Variants in TMEM232 observed in about 807,000 individuals in gnomAD.
TMEM232 encodes the protein transmembrane protein 232.
A neutral mutation model predicts 78.8 loss-of-function variants in TMEM232; 80 were observed. The observed-to-expected ratio is 1.01, with a 90% CI of 0.85 to 1.22. The LOEUF (loss-of-function observed/expected upper bound fraction) is 1.22, where lower values mean the gene tolerates loss of function less well. Ranked by LOEUF, TMEM232 falls within the 50% of genes most tolerant of loss-of-function variation. The pLI, the probability that TMEM232 is intolerant of heterozygous loss-of-function variation, is 0.00. For missense variants in TMEM232, 881 were observed against 742.2 expected (o/e 1.19, Z -2.17); for synonymous variants, 297 against 254.3 (o/e 1.17, Z -1.60).
intron 10 of TMEM232, among the ~76,000 whole-genome samples, chr5:110,590,859 G>T (rs1033602314): frequency 1.3e-5 from 2 of 152,226 alleles, no homozygotes; most frequent in East Asian, 1.9e-4. Flanking sequence ...GGAGAGAGAA[G>T]AGCAAAGAAG....
intron 2 of TMEM232, among the ~76,000 whole-genome samples, chr5:110,654,575 G>A (rs1038508747): frequency 6.6e-6 from 1 of 152,172 alleles, no homozygotes; most frequent in African/African-American, 2.4e-5. Context: ...TTGAAGTCAG[G>A]TAGCGTGATG....
intron 2 of TMEM232, among the ~76,000 whole-genome samples, chr5:110,658,855 T>G (rs1159573851): frequency 1.3e-5 from 2 of 152,106 alleles, no homozygotes; most frequent in African/African-American, 4.8e-5. Context: ...CATTAGCCAA[T>G]GAAAAGAAAA....
At chr5:110,612,622 G>A (rs1036111207) in intron 8 of TMEM232, among the ~76,000 whole-genome samples, 2 of 152,060 alleles carry the variant, frequency 1.3e-5, no homozygotes, top group African/African-American at 4.8e-5. Context: ...CATTCATTTC[G>A]ATGCAAACAC....
intron 11 of TMEM232, among the ~76,000 whole-genome samples, chr5:110,540,317 G>T (rs568415273): frequency 8.7e-4 from 133 of 152,312 alleles, no homozygotes; most frequent in Non-Finnish European, 1.4e-3. Context: ...AGCCACTGAA[G>T]TCACCCTAGG....
chr5:110,669,127 G>T (rs1371634450), intron 1 of TMEM232, among the ~76,000 whole-genome samples: 2 of 151,966 alleles, frequency 1.3e-5, no homozygotes, highest in South Asian at 2.1e-4. Context: ...ATAACTAAGA[G>T]CAGAGCAGAA....
intron 8 of TMEM232, among the ~76,000 whole-genome samples, chr5:110,613,932 T>G (rs1459013583): frequency 6.6e-6 from 1 of 152,096 alleles, no homozygotes; most frequent in East Asian, 1.9e-4. Flanking sequence ...ACAGAATAGT[T>G]AATCAAATTG....
intron 7 of TMEM232, among the ~76,000 whole-genome samples, chr5:110,624,569 C>T (rs992747475): frequency 1.3e-5 from 2 of 152,064 alleles, no homozygotes; most frequent in African/African-American, 4.8e-5. Flanking sequence ...AAAAACAGAT[C>T]CCTTTCTCAC....
chr5:110,438,734 C>T (rs560448883), intron 12 of TMEM232, among the ~76,000 whole-genome samples: 1 of 152,200 alleles, frequency 6.6e-6, no homozygotes, highest in East Asian at 1.9e-4. Flanking sequence ...TCCCCTACAA[C>T]TCAGTTCAAA....
intron 12 of TMEM232, among the ~76,000 whole-genome samples, chr5:110,432,430 T>C (rs993128767): frequency 6.6e-6 from 1 of 151,600 alleles, no homozygotes; most frequent in Non-Finnish European, 1.5e-5. Flanking sequence ...AACATGCAGT[T>C]TCTAAGGGAA....
At chr5:110,468,189 G>T (rs1762290893) in intron 12 of TMEM232, among the ~76,000 whole-genome samples, 1 of 151,616 alleles carries the variant, frequency 6.6e-6, no homozygotes, top group Non-Finnish European at 1.5e-5. Flanking sequence ...ATGGAACCCA[G>T]AATACAATGA....
At chr5:110,466,523 T>C (rs1762093315) in intron 12 of TMEM232, among the ~76,000 whole-genome samples, 1 of 152,148 alleles carries the variant, frequency 6.6e-6, no homozygotes, top group African/African-American at 2.4e-5. Context: ...TAAGTAACTT[T>C]ATTGCACAGG....
intron 7 of TMEM232, among the ~76,000 whole-genome samples, chr5:110,621,761 T>G (rs1182690630): frequency 6.6e-6 from 1 of 152,034 alleles, no homozygotes; most frequent in Non-Finnish European, 1.5e-5. Context: ...CTTTTTTGGC[T>G]TTTATAACCA....
intron 10 of TMEM232, among the ~76,000 whole-genome samples, chr5:110,590,988 A>AT (rs1200956031): frequency 6.6e-6 from 1 of 151,758 alleles, no homozygotes; most frequent in African/African-American, 2.4e-5. Flanking sequence ...ACACATGGAG[A>AT]TTATAGGTCT....
At chr5:110,724,682 G>A (rs1439281731) in intron 1 of TMEM232, among the ~76,000 whole-genome samples, 1 of 152,076 alleles carries the variant, frequency 6.6e-6, no homozygotes, top group Admixed American at 6.6e-5. Flanking sequence ...TCTGCAGAAA[G>A]GCATCCTAAA....
At chr5:110,467,402 A>G (rs1395027064) in intron 12 of TMEM232, among the ~76,000 whole-genome samples, 1 of 152,340 alleles carries the variant, frequency 6.6e-6, no homozygotes, top group East Asian at 1.9e-4. Context: ...ATAAAACTGA[A>G]TAACGGATGA....
At chr5:110,732,389 G>A (rs566083015) in intron 2 of TMEM232, among the ~76,000 whole-genome samples, 11 of 152,012 alleles carry the variant, frequency 7.2e-5, no homozygotes, top group Non-Finnish European at 1.0e-4. Context: ...CTGTATTAGC[G>A]CATTTTCATG....
In TMEM232 at chr5:110,604,056, T is replaced by G. The variant is rs548547502; in HGVS notation, c.1276+1053A>C. Among the ~76,000 whole-genome samples, 117 of 152,290 alleles carry G rather than the reference T, an allele frequency of 7.7e-4. 1 individual carries two copies. The highest frequency in any genetic ancestry group is 2.7e-3 in the African/African-American group (114 of 41,566). ...ATTTAATTACATTATAAATCCACTA[T>G]CATAATTGCTTACCTATTATGTATT... is the stretch of plus-strand genomic sequence containing the variant. On this transcript the variant is annotated intron_variant, in intron 10 of 13. Coordinates refer to ENST00000455884, the MANE Select transcript of TMEM232 (RefSeq NM_001039763.4).
intron 11 of TMEM232, among the ~76,000 whole-genome samples, chr5:110,542,068 C>A (rs775691622): frequency 6.6e-6 from 1 of 152,116 alleles, no homozygotes; most frequent in South Asian, 2.1e-4. Context: ...ATCATGTCTG[C>A]GATACCTGAA....
intron 12 of TMEM232, among the ~76,000 whole-genome samples, chr5:110,472,554 T>C (rs1004218409): frequency 1.3e-5 from 2 of 151,904 alleles, no homozygotes; most frequent in African/African-American, 2.4e-5. Context: ...ATAGGGATCC[T>C]AAAATTTTTA....
Sources: allele counts gnomAD v4.1 joint callset (sites outside exome capture counted in the v4.1 genomes callset), GRCh38; gene constraint gnomAD v4.1.1; transcripts MANE v1.5; gene names NCBI Gene and HGNC (gene_info 2026-07-23, HGNC 2026-07-21).